The following TBC1D1 variants were observed in gnomAD, a reference collection of about 807,000 sequenced individuals.
TBC1D1 encodes TBC1 domain family member 1, also known as TBC1 (tre-2/USP6, BUB2, cdc16) domain family, member 1.
A neutral mutation model predicts 125.6 loss-of-function variants in TBC1D1; 89 were observed. The ratio of observed to expected loss-of-function variants is 0.71; its 90% CI spans 0.60 to 0.85. TBC1D1 has a LOEUF of 0.85. Among genes scored for constraint, TBC1D1 ranks in the 40% least tolerant of loss-of-function variants. TBC1D1 has a pLI of 0.00. For missense variants in TBC1D1, 1,377 were observed against 1,469.2 expected, an observed-to-expected ratio of 0.94 and a Z score of 1.03; for synonymous variants, 565 against 564.1, an observed-to-expected ratio of 1.00 and a Z score of -0.02.
chr4:38,017,600 A>T (rs184406333), intron 3 of TBC1D1, among the ~76,000 whole-genome samples: 239 of 152,326 alleles, frequency 1.6e-3, no homozygotes, highest in Non-Finnish European at 2.7e-3. Flanking sequence ...ATTTTACATC[A>T]AAGCGTAAAG....
intron 6 of TBC1D1, 137 bp from the exon 7 acceptor site, chr4:38,027,651 A>G: frequency 2.0e-6 from 1 of 509,858 alleles, no homozygotes; most frequent in East Asian, 3.4e-5. Context: ...AAAAAATAAA[A>G]TATTTTTTTA....
chr4:37,908,866 G>C (rs1042694964), intron 2 of TBC1D1, among the ~76,000 whole-genome samples: 3 of 152,182 alleles, frequency 2.0e-5, no homozygotes, highest in Non-Finnish European at 4.4e-5. Flanking sequence ...AGCTGCGTGG[G>C]AAACAGACAT....
Position 38,021,672 on chromosome 4 carries a change from G to A in TBC1D1, c.1164G>A (p.Glu388=), listed in dbSNP as rs754007291. The change falls in exon 6 of 20, where the codon GAG becomes GAA. Residue 388 remains glutamate (E), a synonymous_variant. Coordinates refer to ENST00000261439, the MANE Select transcript of TBC1D1 (RefSeq NM_015173.4). ...CTAAGGCGCCAGCCCAGCTGTGTGA[G>A]GGCTGCCCCCTGCAAAGCCTGCACA... 1.9e-6 allele frequency: 3 copies of A among 1,597,238 alleles called. No individual in the cohort carries two copies. Among genetic ancestry groups the A allele is most frequent in the Non-Finnish European group, 2.6e-6 (3 of 1,172,154 alleles).
At chr4:37,946,292 A>G (rs1726683643) in intron 2 of TBC1D1, among the ~76,000 whole-genome samples, 1 of 152,190 alleles carries the variant, frequency 6.6e-6, no homozygotes, top group South Asian at 2.1e-4. Flanking sequence ...GGTTAACTGT[A>G]ATTTATTGTA....
intron 12 of TBC1D1, among the ~76,000 whole-genome samples, chr4:38,065,016 C>T (rs6844130): frequency 0.19 from 28,287 of 151,898 alleles, 3,114 homozygotes; most frequent in African/African-American, 0.3. Flanking sequence ...CTGCAACCTC[C>T]GCCTCCTGAG....
Position 38,052,167 on chromosome 4 carries a change from C to CTGTGTGTGTGTGTGTGTG in TBC1D1, c.1911-2021_1911-2004dup, listed in dbSNP as rs58659939. On this transcript the variant is annotated intron_variant, in intron 11 of 19. Coordinates refer to ENST00000261439, the MANE Select transcript of TBC1D1 (RefSeq NM_015173.4). ...AATGTCCATGCAGGAAGCAGAGCCA[C>CTGTGTGTGTGTGTGTGTG]TGTGTGTGTGTGTGTGTGTGTGTGT... is the stretch of plus-strand genomic sequence containing the variant. 2.6e-3 allele frequency: 1,887 copies of CTGTGTGTGTGTGTGTGTG among 736,460 alleles called. 36 individuals carry two copies. The African/African-American group carries it at 0.029, about 11-fold the overall frequency. 45.6% of individuals were successfully genotyped at this position (736,460 alleles called of 1,614,324 possible).
chr4:38,118,061 T>TAA lies in TBC1D1; in HGVS notation c.2831_2832insAA (p.His945IlefsTer40). The TAA allele has an allele frequency of 3.1e-6, 5 of 1,614,198 alleles. No individual in the cohort carries two copies. Among genetic ancestry groups the TAA allele is most frequent in the Non-Finnish European group, 4.2e-6 (5 of 1,180,022 alleles). On this transcript the variant is annotated frameshift_variant, in exon 17 of 20. Transcript: ENST00000261439. LOFTEE classifies it high-confidence loss of function. ...CAGATGTACCAGCTCTCGAGGTTGC[T>TAA]TCATGATTACCACAGAGACCTCTAC...
intron 12 of TBC1D1, among the ~76,000 whole-genome samples, chr4:38,060,096 G>A (rs902940890): frequency 2.6e-5 from 4 of 152,174 alleles, no homozygotes; most frequent in Non-Finnish European, 4.4e-5. Flanking sequence ...TGGTGTATAT[G>A]TACCACATTT....
intron 12 of TBC1D1, among the ~76,000 whole-genome samples, chr4:38,059,668 C>T (rs74492100): frequency 0.01 from 1,570 of 152,238 alleles, 25 homozygotes; most frequent in African/African-American, 0.036. Flanking sequence ...CAGAGGGTGG[C>T]GTTAGCGAAG....
At chr4:37,971,424 G>A (rs1034722774) in intron 2 of TBC1D1, among the ~76,000 whole-genome samples, 3 of 152,012 alleles carry the variant, frequency 2.0e-5, no homozygotes, top group African/African-American at 4.8e-5. Context: ...ATTGAGAGCC[G>A]AACAAAAAGG....
At position 38,095,955 on chromosome 4, in the gene TBC1D1, CG is replaced by C; in HGVS notation, c.2264del (p.Arg755ProfsTer2). 6.2e-7 allele frequency: 1 copy of C among 1,613,528 alleles called. No homozygotes were observed. The highest frequency in any genetic ancestry group is 8.5e-7 in the Non-Finnish European group (1 of 1,179,738). On this transcript the variant is annotated frameshift_variant, in exon 14 of 20. Transcript: ENST00000261439. LOFTEE classifies it high-confidence loss of function. ...CTCTGAAAATGATTTGCTGAACAAG[CG>C]CCTGAAGCTCGATTATGAAGAAATT... is the stretch of plus-strand genomic sequence containing the variant.
chr4:38,058,126 C>G (rs1021120826), intron 12 of TBC1D1, among the ~76,000 whole-genome samples: 1 of 152,206 alleles, frequency 6.6e-6, no homozygotes, highest in Non-Finnish European at 1.5e-5. Context: ...TCCTCCGCCC[C>G]CTTCCATCCT....
chr4:37,940,490 C>A (rs1249379696), intron 2 of TBC1D1, among the ~76,000 whole-genome samples: 3 of 152,164 alleles, frequency 2.0e-5, no homozygotes, highest in Non-Finnish European at 4.4e-5. Flanking sequence ...TTGATTTCCT[C>A]TTTTCCTAAT....
chr4:38,001,184 G>T (rs192462301), intron 2 of TBC1D1, among the ~76,000 whole-genome samples: 4 of 151,888 alleles, frequency 2.6e-5, no homozygotes, highest in Admixed American at 2.6e-4. Context: ...TGCGCCACTG[G>T]ACTCCAGCCT....
intron 10 of TBC1D1, among the ~76,000 whole-genome samples, chr4:38,048,984 G>A (rs970181305): frequency 6.6e-6 from 1 of 152,016 alleles, no homozygotes; most frequent in Non-Finnish European, 1.5e-5. Context: ...AAGTACTTTT[G>A]GTTGTATCAT....
intron 11 of TBC1D1, 28 bp downstream of exon 12, chr4:38,052,088 T>C: frequency 6.5e-7 from 1 of 1,550,118 alleles, no homozygotes; most frequent in Non-Finnish European, 8.7e-7. Flanking sequence ...GCAAGTTTGG[T>C]GTTGTCTGTT....
At chr4:37,923,056 A>G (rs1292196438) in intron 2 of TBC1D1, among the ~76,000 whole-genome samples, 1 of 152,074 alleles carries the variant, frequency 6.6e-6, no homozygotes, top group African/African-American at 2.4e-5. Context: ...TGATGCACCC[A>G]TCAACCCATC....
chr4:38,005,451 G>T (rs1318565729), intron 2 of TBC1D1, among the ~76,000 whole-genome samples: 1 of 152,186 alleles, frequency 6.6e-6, no homozygotes, highest in Non-Finnish European at 1.5e-5. Flanking sequence ...GCTGTTTGCA[G>T]CTTCAGTAGG....
At chr4:37,931,041 C>T (rs531536961) in intron 2 of TBC1D1, among the ~76,000 whole-genome samples, 1 of 152,268 alleles carries the variant, frequency 6.6e-6, no homozygotes, top group South Asian at 2.1e-4. Context: ...TGCATGTCTC[C>T]TGTATGCCAT....
Sources: gnomAD v4.1 joint callset for allele counts (sites outside exome capture counted in the v4.1 genomes callset) on GRCh38, gnomAD v4.1.1 for gene constraint, MANE v1.5 for transcripts, NCBI Gene and HGNC (gene_info 2026-07-23, HGNC 2026-07-21) for gene names.